The following FSTL4 variants were observed in gnomAD, a reference collection of about 807,000 sequenced individuals.
FSTL4 encodes the protein follistatin like 4, also known as follistatin-related protein 4.
In FSTL4, 28 loss-of-function variants were observed where a neutral mutation model predicts 78.2. The ratio of observed to expected loss-of-function variants is 0.36; its 90% CI spans 0.27 to 0.49. FSTL4 has a LOEUF of 0.49. FSTL4 is among the 20% of genes least tolerant of loss of function. The pLI, the probability that FSTL4 is intolerant of heterozygous loss-of-function variation, is 0.98. For missense variants in FSTL4, 922 were observed against 1,084.9 expected, an observed-to-expected ratio of 0.85 and a Z score of 2.11; for synonymous variants, 422 against 440.5, an observed-to-expected ratio of 0.96 and a Z score of 0.53.
rs1760076972 is a variant in FSTL4 at position 133,568,441 on chromosome 5, G to C, written c.127-1222C>G. On this transcript the variant is annotated intron_variant, in intron 2 of 15. Transcript: ENST00000265342. ...CTTGTCTAGCATCCTCTTGTCAGAAGGGGGAGGCAATATTAGAGATGAAAC... is the reference window on the plus strand; with the variant it reads ...CTTGTCTAGCATCCTCTTGTCAGAACGGGGAGGCAATATTAGAGATGAAAC... 2.0e-5 allele frequency among the ~76,000 whole-genome samples: 3 copies of C among 152,130 alleles called. No individual in the cohort carries two copies. In the South Asian group the frequency reaches 6.2e-4, roughly 32 times the overall value.
the FSTL4 span, among the ~76,000 whole-genome samples, chr5:133,784,801 T>C: frequency 8.0e-4 from 122 of 152,220 alleles, no homozygotes; most frequent in African/African-American, 2.8e-3. Context: ...GTTTCAGGGC[T>C]AGATATTCAT....
Position 133,233,547 on chromosome 5 carries a change from G to T in FSTL4, c.895-10C>A. The T allele has an allele frequency of 1.2e-6, 2 of 1,600,204 alleles. No homozygotes were observed. Among genetic ancestry groups the T allele is most frequent in the South Asian group, 1.1e-5 (1 of 90,294 alleles). ...CATCCTCTCCAAAGTCCTGCACAGG[G>T]CAAAGATGACGATGAGACTGGCCTC... On this transcript the variant is annotated splice_polypyrimidine_tract_variant and intron_variant, in intron 7 of 15. Coordinates refer to ENST00000265342, the MANE Select transcript of FSTL4 (RefSeq NM_015082.2).
chr5:133,212,855 A>G (rs1750781010), intron 13 of FSTL4, among the ~76,000 whole-genome samples: 1 of 152,206 alleles, frequency 6.6e-6, no homozygotes, highest in African/African-American at 2.4e-5. Context: ...ACGGAGAAAA[A>G]TCTGGAAAGT....
intron 2 of FSTL4, among the ~76,000 whole-genome samples, chr5:133,601,886 G>A (rs1035088370): frequency 6.6e-6 from 1 of 151,630 alleles, no homozygotes; most frequent in East Asian, 2.0e-4. Context: ...GTTTTGCTAT[G>A]TTGCCCAGGC....
In FSTL4 at chr5:133,234,664, G is replaced by A. The variant is rs542049025; in HGVS notation, c.895-1127C>T. ...AGGCCCAGGCTCACTAATGAGCAAG[G>A]GGGTTGTGCACTGTCATCTGTGGGG... On this transcript the variant is annotated intron_variant, in intron 7 of 15. Coordinates refer to ENST00000265342, the MANE Select transcript of FSTL4 (RefSeq NM_015082.2). Among the ~76,000 whole-genome samples, 8 of 152,284 alleles carry A rather than the reference G, an allele frequency of 5.3e-5. No individual in the cohort carries two copies. The South Asian group carries it at 1.7e-3, about 32-fold the overall frequency.
At chr5:133,718,568 G>A in the FSTL4 span, among the ~76,000 whole-genome samples, 6 of 152,116 alleles carry the variant, frequency 3.9e-5, no homozygotes, top group East Asian at 1.9e-4. Context: ...TTATTTTGAC[G>A]TAGAAAATTT....
intron 3 of FSTL4, among the ~76,000 whole-genome samples, chr5:133,489,355 T>C (rs1007306736): frequency 6.6e-6 from 1 of 152,204 alleles, no homozygotes; most frequent in African/African-American, 2.4e-5. Flanking sequence ...ATCCTACACA[T>C]GTGGCAGTAT....
the FSTL4 span, among the ~76,000 whole-genome samples, chr5:133,800,032 C>T: frequency 7.2e-6 from 1 of 139,094 alleles, no homozygotes; most frequent in Non-Finnish European, 1.6e-5. Context: ...ACGCGGCGTC[C>T]CAGCCCATGC....
In FSTL4 at chr5:133,345,378, T is replaced by A. The variant is rs144502249; in HGVS notation, c.410-28726A>T. ...TTTCTCCTATTCCGTAGGTTGCCTG[T>A]TCACTCTGATGATAGTTTCTTTTGC... On this transcript the variant is annotated intron_variant, in intron 4 of 15. Coordinates refer to ENST00000265342, the MANE Select transcript of FSTL4 (RefSeq NM_015082.2). Among the ~76,000 whole-genome samples the A allele has an allele frequency of 3.1e-3, 470 of 152,326 alleles. 6 individuals are homozygous for A. The highest frequency in any genetic ancestry group is 0.011 in the African/African-American group (441 of 41,570).
At chr5:133,796,355 G>A in the FSTL4 span, among the ~76,000 whole-genome samples, 1 of 152,178 alleles carries the variant, frequency 6.6e-6, no homozygotes, top group African/African-American at 2.4e-5. Context: ...CAGCTCAGTG[G>A]GCCCTCTGCC....
intron 4 of FSTL4, among the ~76,000 whole-genome samples, chr5:133,321,048 A>G (rs1324997860): frequency 6.6e-6 from 1 of 151,020 alleles, no homozygotes; most frequent in Non-Finnish European, 1.5e-5. Context: ...TTTGGGCAAG[A>G]AAGTGTCAAC....
intron 14 of FSTL4, chr5:133,208,008 T>C (rs2126768098): frequency 6.6e-6 from 1 of 152,302 alleles, no homozygotes; most frequent in South Asian, 2.1e-4. Context: ...CAGAATTTCT[T>C]TCATTGTCTC....
chr5:133,274,315 C>T (rs1052109254), intron 6 of FSTL4, among the ~76,000 whole-genome samples: 2 of 144,456 alleles, frequency 1.4e-5, no homozygotes, highest in East Asian at 4.1e-4. Flanking sequence ...TCTTAATGCC[C>T]TTCTCTACTT....
the FSTL4 span, among the ~76,000 whole-genome samples, chr5:133,729,906 G>GT: frequency 9.2e-5 from 14 of 152,166 alleles, no homozygotes; most frequent in Admixed American, 7.2e-4. Flanking sequence ...GGCAGGCTCA[G>GT]TGGGAAGAGC....
At chr5:133,277,634 G>A (rs1372387495) in intron 6 of FSTL4, among the ~76,000 whole-genome samples, 2 of 152,234 alleles carry the variant, frequency 1.3e-5, no homozygotes, top group African/African-American at 4.8e-5. Flanking sequence ...CCCTGGGCAA[G>A]TCCTGGGAGG....
the FSTL4 span, among the ~76,000 whole-genome samples, chr5:133,674,552 AG>A: frequency 6.6e-6 from 1 of 152,126 alleles, no homozygotes; most frequent in Non-Finnish European, 1.5e-5. Flanking sequence ...AATCCCGTAG[AG>A]AACGAGACAG....
the FSTL4 span, among the ~76,000 whole-genome samples, chr5:133,681,828 C>A: frequency 1.3e-5 from 2 of 152,136 alleles, no homozygotes; most frequent in Non-Finnish European, 2.9e-5. Flanking sequence ...CCTTGGGTCC[C>A]TCTTGTATAG....
the FSTL4 span, among the ~76,000 whole-genome samples, chr5:133,766,660 C>T: frequency 1.7e-4 from 26 of 152,142 alleles, no homozygotes; most frequent in African/African-American, 4.6e-4. Context: ...GAGAGGGTCA[C>T]GGTGACCTGG....
the FSTL4 span, among the ~76,000 whole-genome samples, chr5:133,764,537 G>A: frequency 6.6e-6 from 1 of 152,142 alleles, no homozygotes; most frequent in Non-Finnish European, 1.5e-5. Context: ...CCAAAGAAAA[G>A]CCCTAGACTT....
Sources: allele counts gnomAD v4.1 joint callset (sites outside exome capture counted in the v4.1 genomes callset), GRCh38; gene constraint gnomAD v4.1.1; transcripts MANE v1.5; gene names NCBI Gene and HGNC (gene_info 2026-07-23, HGNC 2026-07-21).